The following HK1 variants were observed in gnomAD, a reference collection of about 807,000 sequenced individuals.
HK1 encodes the protein hexokinase 1.
A neutral mutation model predicts 91.6 loss-of-function variants in HK1; 28 were observed. That is an observed-to-expected ratio of 0.31 (90% CI 0.23 to 0.42). HK1 has a LOEUF of 0.42. Among genes scored for constraint, HK1 ranks in the 10% least tolerant of loss-of-function variants. The pLI, the probability that HK1 is intolerant of heterozygous loss-of-function variation, is 1.00. For missense variants in HK1, 770 were observed against 1,219.8 expected (o/e 0.63, Z 5.49); for synonymous variants, 430 against 468.1 (o/e 0.92, Z 1.05).
chr10:69,272,464 A>G (rs1175733181), intron 1 of HK1, among the ~76,000 whole-genome samples: 1 of 152,198 alleles, frequency 6.6e-6, no homozygotes, highest in African/African-American at 2.4e-5. Context: ...CACTGATGGT[A>G]GTAAATTCAC....
At chr10:69,315,698 CTGAT>C, upstream of HK1, 1 of 547,280 alleles carries the variant, frequency 1.8e-6, no homozygotes, top group South Asian at 1.9e-5. Flanking sequence ...AGGAAGCTGT[CTGAT>C]TGGGGCAGAT....
chr10:69,280,767 T>G (rs549321908), intron 1 of HK1, among the ~76,000 whole-genome samples: 2 of 152,294 alleles, frequency 1.3e-5, no homozygotes, highest in East Asian at 3.9e-4. Context: ...AAACATACAT[T>G]TCCATCATTT....
intron 3 of HK1, among the ~76,000 whole-genome samples, chr10:69,294,262 C>T (rs552520415): frequency 6.6e-6 from 1 of 152,282 alleles, no homozygotes; most frequent in East Asian, 1.9e-4. Context: ...TGAGTGGAGA[C>T]TATGTAAAAG....
chr10:69,350,338 A>G (rs1214513235), intron 2 of HK1, among the ~76,000 whole-genome samples: 1 of 152,222 alleles, frequency 6.6e-6, no homozygotes, highest in Non-Finnish European at 1.5e-5. Context: ...GACATCCAGG[A>G]AAGTTTATCA....
At chr10:69,312,086 G>A (rs1564502287), upstream of HK1, among the ~76,000 whole-genome samples, 2 of 152,092 alleles carry the variant, frequency 1.3e-5, no homozygotes, top group Admixed American at 6.6e-5. Context: ...GCCACTGCAG[G>A]GTGGAAGGAA....
upstream of HK1, among the ~76,000 whole-genome samples, chr10:69,311,056 C>CAA (rs35246952): frequency 0.04 from 5,299 of 133,750 alleles, 331 homozygotes; most frequent in African/African-American, 0.14. Context: ...GACTCCGTCT[C>CAA]AAAAAAAAAA....
chr10:69,274,149 C>T (rs549435214), intron 1 of HK1, among the ~76,000 whole-genome samples: 15 of 152,288 alleles, frequency 9.8e-5, no homozygotes, highest in South Asian at 8.3e-4. Context: ...GTTCACTTTT[C>T]GTTTCAAATA....
chr10:69,319,101 C>G (rs1846850569), intron 1 of HK1, 91 bp downstream of exon 1: 1 of 1,444,378 alleles, frequency 6.9e-7, no homozygotes. Flanking sequence ...TCCTCCGGCG[C>G]CCGGCCTTCT....
chr10:69,359,933 C>T lies in HK1; in HGVS notation c.263C>T (p.Ser88Phe). The change falls in exon 3 of 18, where the codon TCT (serine) becomes TTT (phenylalanine). Residue 88 changes from serine (S) to phenylalanine (F), a missense_variant. Ser to Phe is a radical substitution (Grantham distance 155). This residue lies in a region of HK1 where 449 missense variants were observed against 665.1 expected (regional missense o/e 0.68). Coordinates refer to ENST00000359426, the MANE Select transcript of HK1 (RefSeq NM_000188.3). ...GDFIALDLGG[S>F]SFRILRVQVN... Reference sequence around the variant, plus strand: ...TTCATTGCCCTGGATCTTGGTGGGTCTTCCTTTCGAATTCTGCGGGTGCAA... The same window carrying T: ...TTCATTGCCCTGGATCTTGGTGGGTTTTCCTTTCGAATTCTGCGGGTGCAA... 6.2e-7 allele frequency: 1 copy of T among 1,614,102 alleles called. No homozygotes were observed. The highest frequency in any genetic ancestry group is 8.5e-7 in the Non-Finnish European group (1 of 1,179,972).
upstream of HK1, chr10:69,315,977 G>C: frequency 6.2e-7 from 1 of 1,614,254 alleles, no homozygotes; most frequent in South Asian, 1.1e-5. Context: ...CACAGCCTGA[G>C]TTTGCCCTGT....
intron 4 of HK1, among the ~76,000 whole-genome samples, chr10:69,295,939 C>T (rs1313422556): frequency 2.6e-5 from 4 of 152,162 alleles, no homozygotes; most frequent in Non-Finnish European, 5.9e-5. Flanking sequence ...TGCTAATTGT[C>T]AGAGCCAAAC....
At chr10:69,360,320 C>T (rs545318107) in intron 3 of HK1, among the ~76,000 whole-genome samples, 1 of 152,326 alleles carries the variant, frequency 6.6e-6, no homozygotes, top group African/African-American at 2.4e-5. Context: ...AGGGAGGCTC[C>T]GCAGCTCTGT....
intron 2 of HK1, among the ~76,000 whole-genome samples, chr10:69,283,869 T>A (rs905629832): frequency 2.6e-5 from 4 of 151,180 alleles, no homozygotes; most frequent in Admixed American, 6.6e-5. Context: ...CTCAGGATCT[T>A]AAAAGGTAGA....
At chr10:69,353,793 G>C (rs1267302651) in intron 2 of HK1, among the ~76,000 whole-genome samples, 1 of 152,118 alleles carries the variant, frequency 6.6e-6, no homozygotes, top group Non-Finnish European at 1.5e-5. Context: ...TTCTTCATCT[G>C]TATTTATTGT....
At chr10:69,395,154 C>G in intron 16 of HK1, 49 bp downstream of exon 16, 1 of 1,593,426 alleles carries the variant, frequency 6.3e-7, no homozygotes, top group Non-Finnish European at 8.6e-7. Flanking sequence ...CAGAGGTCGC[C>G]TGGCTGGTGG....
chr10:69,303,026 C>T (rs1302915733), intron 5 of HK1, among the ~76,000 whole-genome samples: 1 of 152,128 alleles, frequency 6.6e-6, no homozygotes, highest in African/African-American at 2.4e-5. Flanking sequence ...AGGTCCTTCC[C>T]TGTCCATCCT....
At chr10:69,374,508 G>A (rs928072229) in intron 7 of HK1, among the ~76,000 whole-genome samples, 5 of 152,272 alleles carry the variant, frequency 3.3e-5, no homozygotes, top group Non-Finnish European at 5.9e-5. Context: ...CATGCCCTGA[G>A]AGGCAGATCA....
rs1422431522 is a variant in HK1 at position 69,367,061 on chromosome 10, T to A, written c.496-1475T>A. Among the ~76,000 whole-genome samples, 21 of 152,224 alleles carry A rather than the reference T, an allele frequency of 1.4e-4. No individual in the cohort carries two copies. In the South Asian group the frequency reaches 4.1e-3, roughly 30 times the overall value. On this transcript the variant is annotated intron_variant, in intron 4 of 17. Transcript: ENST00000359426. ...CCTGTTCCCCATGAAGGTGCAGCCT[T>A]CTATGGACAGAAGTGTTGCAGGAGG... is the stretch of plus-strand genomic sequence containing the variant.
Position 69,382,677 on chromosome 10 carries a change from G to T in HK1, c.1456G>T (p.Glu486Ter). The change falls in exon 10 of 18, where the codon GAG (glutamate) becomes TAG (stop). Residue 486 changes from glutamate to a stop codon, truncating the protein, a stop_gained. Transcript: ENST00000359426. LOFTEE classifies it high-confidence loss of function. ...CCACCTCACCAAGGACATGCTGCTGGAGGTGAAGAAGAGGATGCGGGCCGA... is the reference window on the plus strand; with the variant it reads ...CCACCTCACCAAGGACATGCTGCTGTAGGTGAAGAAGAGGATGCGGGCCGA... ...HFHLTKDMLL[E>*]VKKRMRAEME... 1.2e-6 allele frequency: 2 copies of T among 1,613,968 alleles called. No homozygotes were observed. The highest frequency in any genetic ancestry group is 1.7e-6 in the Non-Finnish European group (2 of 1,179,982).
Sources: allele counts gnomAD v4.1 joint callset (sites outside exome capture counted in the v4.1 genomes callset), GRCh38; gene constraint gnomAD v4.1.1; regional missense constraint gnomAD v4.1.1; transcripts MANE v1.5; gene names NCBI Gene and HGNC (gene_info 2026-07-23, HGNC 2026-07-21).